Variants in CLEC16A observed in about 807,000 individuals in gnomAD.
CLEC16A encodes the protein C-type lectin domain containing 16A, also known as protein CLEC16A.
Under a neutral mutation model 109.5 loss-of-function variants are expected in CLEC16A, and 51 were observed. The ratio of observed to expected loss-of-function variants is 0.47; its 90% CI spans 0.37 to 0.59. The LOEUF is 0.59. Among genes scored for constraint, CLEC16A ranks in the 20% least tolerant of loss-of-function variants. The pLI is 0.00. For synonymous variants in CLEC16A, 673 were observed against 564.2 expected (o/e 1.19, Z -2.73); for missense variants, 1,339 against 1,394.0 (o/e 0.96, Z 0.63).
chr16:11,066,297 C>T (rs181107416), intron 19 of CLEC16A, among the ~76,000 whole-genome samples: 20 of 152,174 alleles, frequency 1.3e-4, no homozygotes, highest in African/African-American at 3.9e-4. Flanking sequence ...CAAAGAGGGA[C>T]GGGACAGTCT....
intron 22 of CLEC16A, among the ~76,000 whole-genome samples, chr16:11,133,438 G>C (rs1299528678): frequency 2.6e-5 from 4 of 152,028 alleles, no homozygotes; most frequent in African/African-American, 7.2e-5. Context: ...AAACCGGCAG[G>C]GTCAGTCACG....
chr16:10,991,056 A>C (rs983610638), intron 10 of CLEC16A, among the ~76,000 whole-genome samples: 1 of 152,206 alleles, frequency 6.6e-6, no homozygotes, highest in African/African-American at 2.4e-5. Flanking sequence ...TGAGCAAAAC[A>C]AAAACCTTGA....
intron 19 of CLEC16A, among the ~76,000 whole-genome samples, chr16:11,118,617 A>G (rs1325825382): frequency 2.6e-5 from 4 of 152,184 alleles, no homozygotes; most frequent in Non-Finnish European, 5.9e-5. Context: ...GAAGCACTGA[A>G]ATGTTACTGA....
chr16:11,024,737 C>G (rs907185835), intron 12 of CLEC16A, 84 bp from the exon 13 acceptor site: 4 of 1,047,420 alleles, frequency 3.8e-6, no homozygotes, highest in African/African-American at 3.2e-5. Context: ...TCAAAGGCAG[C>G]TAGCACCCCA....
At chr16:10,964,164 G>T (rs1050233829) in intron 3 of CLEC16A, among the ~76,000 whole-genome samples, 2 of 152,232 alleles carry the variant, frequency 1.3e-5, no homozygotes, top group African/African-American at 4.8e-5. Context: ...AGAGGTGAAA[G>T]GGCTGCTGAG....
chr16:11,101,018 G>C (rs912270216), intron 19 of CLEC16A, among the ~76,000 whole-genome samples: 2 of 152,172 alleles, frequency 1.3e-5, no homozygotes, highest in African/African-American at 4.8e-5. Context: ...CTGGGACTGT[G>C]CTTGGCCCAT....
chr16:11,081,071 G>C (rs1365730539), intron 19 of CLEC16A, among the ~76,000 whole-genome samples: 1 of 152,232 alleles, frequency 6.6e-6, no homozygotes, highest in Admixed American at 6.5e-5. Flanking sequence ...AGGAAGCCTG[G>C]AGAACTAAGC....
chr16:11,044,033 G>T lies in CLEC16A; in HGVS notation c.1776G>T (p.Ala592=). ...KDVHLACLEG[A]REESVHLVRH... ...CCTTCCTTCTCTTTTAACAGGGTGCGAGAGAAGAAAGTGTTCACCTTGTAC... is the reference window on the plus strand; with the variant it reads ...CCTTCCTTCTCTTTTAACAGGGTGCTAGAGAAGAAAGTGTTCACCTTGTAC... Residue 592 remains alanine, a synonymous_variant, in exon 16 of 24, where the codon GCG becomes GCT. Coordinates refer to ENST00000409790, the MANE Select transcript of CLEC16A (RefSeq NM_015226.3). 6.2e-7 allele frequency: 1 copy of T among 1,608,196 alleles called. No individual in the cohort carries two copies. Among genetic ancestry groups the T allele is most frequent in the Non-Finnish European group, 8.5e-7 (1 of 1,176,316 alleles).
At chr16:10,984,692 T>A (rs2043522357) in intron 10 of CLEC16A, among the ~76,000 whole-genome samples, 1 of 152,324 alleles carries the variant, frequency 6.6e-6, no homozygotes, top group Non-Finnish European at 1.5e-5. Flanking sequence ...ACTCAGAGTT[T>A]ATGGGGCCCT....
At chr16:11,153,530 G>A (rs545640583) in intron 22 of CLEC16A, among the ~76,000 whole-genome samples, 12 of 151,176 alleles carry the variant, frequency 7.9e-5, no homozygotes, top group Admixed American at 2.0e-4. Flanking sequence ...ACAATGAAAC[G>A]TACAGTTGTG....
At chr16:11,102,883 A>G (rs1204339119) in intron 19 of CLEC16A, among the ~76,000 whole-genome samples, 3 of 152,160 alleles carry the variant, frequency 2.0e-5, no homozygotes, top group East Asian at 1.9e-4. Flanking sequence ...TATCACCTCT[A>G]TTTGCTGATG....
intron 10 of CLEC16A, among the ~76,000 whole-genome samples, chr16:10,986,436 T>A (rs1214551792): frequency 6.6e-6 from 1 of 152,188 alleles, no homozygotes; most frequent in Non-Finnish European, 1.5e-5. Context: ...TTCAGCAGAT[T>A]TCTAGATCTC....
rs548652523 is a variant in CLEC16A at position 11,057,744 on chromosome 16, G to A, written c.1996-3158G>A. Among the ~76,000 whole-genome samples the A allele has an allele frequency of 4.6e-5, 7 of 152,204 alleles. No individual in the cohort carries two copies. The South Asian group carries it at 6.2e-4, about 14-fold the overall frequency. ...GCGTCTTTATTTAGCAAAGAAAAGC[G>A]CTCAATAAAACCCTGGGTCCCAAGC... is the stretch of plus-strand genomic sequence containing the variant. On this transcript the variant is annotated intron_variant, in intron 18 of 23. Transcript: ENST00000409790.
chr16:11,061,302 C>T (rs1318178521), intron 19 of CLEC16A, among the ~76,000 whole-genome samples: 1 of 152,208 alleles, frequency 6.6e-6, no homozygotes, highest in Admixed American at 6.5e-5. Flanking sequence ...GGTGAACAAA[C>T]TCCAGGGTTC....
chr16:11,037,923 A>G (rs73503468), intron 13 of CLEC16A, among the ~76,000 whole-genome samples: 2,554 of 152,236 alleles, frequency 0.017, 84 homozygotes, highest in African/African-American at 0.059. Flanking sequence ...TCTTCTTGCC[A>G]TTCAATAAGC....
chr16:10,948,019 G>A (rs1294403035), intron 1 of CLEC16A, among the ~76,000 whole-genome samples: 8 of 152,110 alleles, frequency 5.3e-5, no homozygotes, highest in African/African-American at 1.2e-4. Context: ...TCAGCCTCCA[G>A]AGTAGCTGGG....
intron 13 of CLEC16A, among the ~76,000 whole-genome samples, chr16:11,038,562 A>G (rs776785527): frequency 3.7e-4 from 57 of 152,142 alleles, no homozygotes; most frequent in African/African-American, 1.3e-3. Flanking sequence ...AGAAATGACA[A>G]CAGGGCTCAA....
Position 11,182,069 on chromosome 16 carries a change from T to C in CLEC16A, c.*3379T>C, listed in dbSNP as rs202225458. The C allele has an allele frequency of 1.3e-5, 2 of 152,348 alleles. No homozygotes were observed. Among genetic ancestry groups the C allele is most frequent in the Admixed American group, 6.5e-5 (1 of 15,288 alleles). The allele number at this position is 152,348 out of a possible 1,614,324, so 9.4% of individuals were successfully genotyped here. A position where few individuals can be genotyped will look rare whatever the true frequency, so the allele number is the denominator to read the frequency against. On this transcript the variant is annotated 3_prime_UTR_variant, in exon 24 of 24. Coordinates refer to ENST00000409790, the MANE Select transcript of CLEC16A (RefSeq NM_015226.3). ...GAGCCTCGGGACCGCTCTAGGGAAG[T>C]ACCTGCTTTCGCCAGCATGACTCAT...
intron 12 of CLEC16A, among the ~76,000 whole-genome samples, chr16:11,022,250 T>C (rs946689009): frequency 6.6e-6 from 1 of 151,962 alleles, no homozygotes; most frequent in African/African-American, 2.4e-5. Flanking sequence ...AGGTATCGAG[T>C]TGCAGCTTGT....
Sources: allele counts gnomAD v4.1 joint callset (sites outside exome capture counted in the v4.1 genomes callset), GRCh38; gene constraint gnomAD v4.1.1; transcripts MANE v1.5; gene names NCBI Gene and HGNC (gene_info 2026-07-23, HGNC 2026-07-21).